SNAPC1: variants seen among roughly 807,000 people sequenced by gnomAD.
SNAPC1 encodes small nuclear RNA activating complex polypeptide 1.
In SNAPC1, 42 loss-of-function variants were observed where a neutral mutation model predicts 50.1. The observed-to-expected ratio is 0.84, with a 90% CI of 0.65 to 1.08. The LOEUF is 1.08. Among genes scored for constraint, SNAPC1 ranks in the 50% least tolerant of loss-of-function variants. The pLI is 0.00. For synonymous variants in SNAPC1, 164 were observed against 144.2 expected (o/e 1.14, Z -0.98); for missense variants, 477 against 427.3 (o/e 1.12, Z -1.02).
chr14:61,783,558 C>T (rs1251063603), intron 8 of SNAPC1, among the ~76,000 whole-genome samples: 2 of 103,004 alleles, frequency 1.9e-5, no homozygotes, highest in African/African-American at 7.7e-5. Context: ...TTTCTTGAGA[C>T]AGAGTCTTGC....
chr14:61,762,456 G>T lies in SNAPC1; in HGVS notation c.-5G>T, dbSNP rs372095102. The stretch of plus-strand genomic sequence containing the variant: ...GGCTTCGGAGGCGTGCGGGCTTCGG[G>T]TGCCATGGGGACTCCTCCCGGCCTG... On this transcript the variant is annotated 5_prime_UTR_variant, in exon 1 of 10. Coordinates refer to ENST00000216294, the MANE Select transcript of SNAPC1 (RefSeq NM_003082.4). 2 of 1,129,982 alleles carry T rather than the reference G, an allele frequency of 1.8e-6. No individual in the cohort carries two copies. Among genetic ancestry groups the T allele is most frequent in the Non-Finnish European group, 1.2e-6 (1 of 840,664 alleles). The allele number at this position is 1,129,982 out of a possible 1,614,324, so 70.0% of individuals were successfully genotyped here.
intron 1 of SNAPC1, 137 bp from the exon 2 acceptor site, chr14:61,766,739 G>C (rs1331657936): frequency 2.0e-6 from 1 of 498,030 alleles, no homozygotes; most frequent in South Asian, 4.4e-5. Context: ...TTATCTCTTT[G>C]TGCTTGAATC....
chr14:61,763,579 C>G (rs890384284), intron 1 of SNAPC1, among the ~76,000 whole-genome samples: 12 of 139,556 alleles, frequency 8.6e-5, no homozygotes, highest in African/African-American at 3.2e-4. Context: ...CCACCTTATT[C>G]TTCACTCAGG....
intron 4 of SNAPC1, among the ~76,000 whole-genome samples, chr14:61,775,346 C>T (rs1420598087): frequency 6.6e-6 from 1 of 151,858 alleles, no homozygotes; most frequent in Non-Finnish European, 1.5e-5. Context: ...ACCTCCGCCT[C>T]CCGGGTTCAA....
At chr14:61,793,660 T>C (rs1367829562) in intron 9 of SNAPC1, among the ~76,000 whole-genome samples, 49 of 31,326 alleles carry the variant, frequency 1.6e-3, no homozygotes, top group African/African-American at 2.6e-3. Context: ...TTTCTTTTTT[T>C]CTTTTTTTTT....
In SNAPC1 at chr14:61,772,927, C is replaced by T. The variant is rs978837976; in HGVS notation, c.535-3168C>T. Among the ~76,000 whole-genome samples the T allele has an allele frequency of 4.6e-5, 7 of 152,168 alleles. No homozygotes were observed. The South Asian group carries it at 1.4e-3, about 31-fold the overall frequency. On this transcript the variant is annotated intron_variant, in intron 4 of 9. Transcript: ENST00000216294. ...TGAAGTTATCCTGGCTCTGTCGGATCTCTGGCTTGTGACATAATTGCTTTG... is the reference window on the plus strand; with the variant it reads ...TGAAGTTATCCTGGCTCTGTCGGATTTCTGGCTTGTGACATAATTGCTTTG...
chr14:61,784,225 T>A (rs1029793181), intron 8 of SNAPC1, among the ~76,000 whole-genome samples: 1 of 152,172 alleles, frequency 6.6e-6, no homozygotes, highest in African/African-American at 2.4e-5. Context: ...TAAAGGATAT[T>A]GTGAAGAAAA....
At chr14:61,775,642 G>A (rs186958067) in intron 4 of SNAPC1, among the ~76,000 whole-genome samples, 1 of 152,302 alleles carries the variant, frequency 6.6e-6, no homozygotes, top group East Asian at 1.9e-4. Flanking sequence ...GATTTCTGTG[G>A]CAGGTTGGAT....
rs1426869582 is a variant in SNAPC1, at chr14:61,768,745, A to G, written c.534+5A>G. 1 of 1,514,690 alleles carries G rather than the reference A, an allele frequency of 6.6e-7. No individual in the cohort carries two copies. Among genetic ancestry groups the G allele is most frequent in the Admixed American group, 1.8e-5 (1 of 55,118 alleles). 93.8% of individuals were successfully genotyped at this position (1,514,690 alleles called of 1,614,324 possible). Reference sequence around the variant, plus strand: ...ATCACTTCTGATGTATTAGAGGTAAATTTTCTTTTATGCTCTTGAAAATTT... The same window carrying G: ...ATCACTTCTGATGTATTAGAGGTAAGTTTTCTTTTATGCTCTTGAAAATTT... On this transcript the variant is annotated splice_donor_5th_base_variant and intron_variant, in intron 4 of 9. Coordinates refer to ENST00000216294, the MANE Select transcript of SNAPC1 (RefSeq NM_003082.4).
At chr14:61,785,993 A>G (rs745817166) in intron 8 of SNAPC1, among the ~76,000 whole-genome samples, 6 of 152,176 alleles carry the variant, frequency 3.9e-5, no homozygotes, top group Admixed American at 6.5e-5. Flanking sequence ...AAAGAAATTA[A>G]ATTCCCAGGC....
intron 8 of SNAPC1, among the ~76,000 whole-genome samples, chr14:61,788,387 T>G (rs992817380): frequency 6.6e-6 from 1 of 152,178 alleles, no homozygotes; most frequent in African/African-American, 2.4e-5. Flanking sequence ...TTTACAGTTT[T>G]TCAAACAGAG....
intron 8 of SNAPC1, among the ~76,000 whole-genome samples, chr14:61,789,539 A>G (rs964578689): frequency 6.6e-6 from 1 of 152,198 alleles, no homozygotes; most frequent in African/African-American, 2.4e-5. Context: ...TTACTTTAGT[A>G]ATCAGTAGAA....
In SNAPC1 at chr14:61,766,194, G is replaced by A. The variant is rs374948032; in HGVS notation, c.129-682G>A. Among the ~76,000 whole-genome samples the A allele has an allele frequency of 3.0e-3, 462 of 152,310 alleles. 4 individuals carry two copies. The highest frequency in any genetic ancestry group is 0.011 in the African/African-American group (442 of 41,566). On this transcript the variant is annotated intron_variant, in intron 1 of 9. Transcript: ENST00000216294. ...ATTTAGCCTAAATATTTGCCCTGGCGTGCTTATACTGGTCCAAGCAAGCAT... is the reference window on the plus strand; with the variant it reads ...ATTTAGCCTAAATATTTGCCCTGGCATGCTTATACTGGTCCAAGCAAGCAT...
At chr14:61,794,891 T>A (rs2045177622) in intron 9 of SNAPC1, 58 bp from the exon 10 acceptor site, 1 of 1,225,986 alleles carries the variant, frequency 8.2e-7, no homozygotes. Flanking sequence ...AGTTGTTTTT[T>A]TTGTTTGTTT....
intron 8 of SNAPC1, among the ~76,000 whole-genome samples, chr14:61,783,016 C>CTTTTTTTTTTTTTTTTTTT (rs1191462174): frequency 1.6e-5 from 2 of 125,968 alleles, no homozygotes; most frequent in Admixed American, 8.0e-5. Context: ...TTTTCCAGTG[C>CTTTTTTTTTTTTTTTTTTT]ATTTTTTTTT....
In SNAPC1 at chr14:61,767,223, C is replaced by T. The variant is rs768325066; in HGVS notation, c.300C>T (p.Ala100=). 1 of 1,489,458 alleles carries T rather than the reference C, an allele frequency of 6.7e-7. No individual in the cohort carries two copies. Among genetic ancestry groups the T allele is most frequent in the South Asian group, 1.5e-5 (1 of 68,388 alleles). The allele number at this position is 1,489,458 out of a possible 1,614,324, so 92.3% of individuals were successfully genotyped here. ...LCQPKQKIRV[A]LKDWDEVLKF... The stretch of plus-strand genomic sequence containing the variant: ...CTTCCTGGTTGCAGATCAGAGTTGC[C>T]CTGAAGGATTGGGATGAAGTTTTAA... The change falls in exon 3 of 10, where the codon GCC becomes GCT. Residue 100 remains alanine (A), a synonymous_variant. Coordinates refer to ENST00000216294, the MANE Select transcript of SNAPC1 (RefSeq NM_003082.4).
At chr14:61,785,040 C>CA (rs2045105486) in intron 8 of SNAPC1, among the ~76,000 whole-genome samples, 1 of 152,038 alleles carries the variant, frequency 6.6e-6, no homozygotes, top group South Asian at 2.1e-4. Context: ...GTGACCAAGG[C>CA]AAAATTATAA....
chr14:61,771,833 C>A (rs1468279045), intron 4 of SNAPC1, among the ~76,000 whole-genome samples: 1 of 152,100 alleles, frequency 6.6e-6, no homozygotes, highest in East Asian at 1.9e-4. Context: ...TTTTATAAAT[C>A]TTTGTGTAGA....
chr14:61,794,634 C>G (rs539820642), intron 9 of SNAPC1, among the ~76,000 whole-genome samples: 3 of 151,996 alleles, frequency 2.0e-5, no homozygotes, highest in Non-Finnish European at 2.9e-5. Context: ...GGTCTCGATC[C>G]CCTGACCTCA....
Sources: allele counts gnomAD v4.1 joint callset (sites outside exome capture counted in the v4.1 genomes callset), GRCh38; gene constraint gnomAD v4.1.1; transcripts MANE v1.5; gene names NCBI Gene and HGNC (gene_info 2026-07-23, HGNC 2026-07-21).